LIPC: variants seen among roughly 807,000 people sequenced by gnomAD.
LIPC encodes the protein lipase C, hepatic type.
In LIPC, 44 loss-of-function variants were observed where a neutral mutation model predicts 50.7. The observed-to-expected ratio is 0.87, with a 90% confidence interval of 0.68 to 1.11. LIPC has a LOEUF of 1.11. Among genes scored for constraint, LIPC ranks in the 50% most tolerant of loss-of-function variants. LIPC has a pLI of 0.00. For missense variants in LIPC, 697 were observed against 648.2 expected (o/e 1.08, Z -0.82); for synonymous variants, 271 against 256.4 (o/e 1.06, Z -0.54).
intron 1 of LIPC, among the ~76,000 whole-genome samples, chr15:58,509,247 G>C (rs148410788): frequency 1.3e-5 from 2 of 152,284 alleles, no homozygotes; most frequent in African/African-American, 4.8e-5. Flanking sequence ...CAGATGATGA[G>C]CCACTTTCTC....
intron 1 of LIPC, among the ~76,000 whole-genome samples, chr15:58,506,478 G>A (rs1444329483): frequency 2.0e-5 from 3 of 152,174 alleles, no homozygotes; most frequent in East Asian, 3.9e-4. Flanking sequence ...AGCAGGTGCT[G>A]ATGAGAAGGC....
intron 1 of LIPC, chr15:58,522,337 T>C (rs1892682479): frequency 6.6e-6 from 1 of 152,642 alleles, no homozygotes; most frequent in South Asian, 2.1e-4. Flanking sequence ...CCAGTGACAC[T>C]ACACGCAAAC....
At chr15:58,497,620 C>G (rs1350220728) in intron 1 of LIPC, 1 of 152,412 alleles carries the variant, frequency 6.6e-6, no homozygotes, top group Non-Finnish European at 1.5e-5. Flanking sequence ...TCTACTGGTA[C>G]ACCTCTCCAA....
chr15:58,450,338 G>A (rs1398206198), intron 1 of LIPC, among the ~76,000 whole-genome samples: 3 of 152,158 alleles, frequency 2.0e-5, no homozygotes, highest in African/African-American at 4.8e-5. Context: ...GTGCGGCCCA[G>A]GAATGTGCAT....
rs1331029092 is a variant in LIPC at position 58,568,886 on chromosome 15, T to C, written c.*59T>C. On this transcript the variant is annotated 3_prime_UTR_variant, in exon 9 of 9. Coordinates refer to ENST00000299022, the MANE Select transcript of LIPC (RefSeq NM_000236.3). ...AATCTTACTCCTTATCTGGAATGGC[T>C]GCCTTATTTAGAAGCCAAAATTACA... The C allele has an allele frequency of 9.8e-7, 1 of 1,016,356 alleles. No individual in the cohort carries two copies. Among genetic ancestry groups the C allele is most frequent in the East Asian group, 2.6e-5 (1 of 38,780 alleles). 63.0% of individuals were successfully genotyped at this position (1,016,356 alleles called of 1,614,324 possible). A position where few individuals can be genotyped will look rare whatever the true frequency, so the allele number is the denominator to read the frequency against.
At chr15:58,470,538 G>A (rs1422332981) in intron 1 of LIPC, among the ~76,000 whole-genome samples, 1 of 150,978 alleles carries the variant, frequency 6.6e-6, no homozygotes, top group South Asian at 2.1e-4. Flanking sequence ...TTGAAAAGTA[G>A]TACATGCTTA....
chr15:58,447,414 C>A (rs1252970605), intron 1 of LIPC, among the ~76,000 whole-genome samples: 1 of 152,150 alleles, frequency 6.6e-6, no homozygotes, highest in African/African-American at 2.4e-5. Context: ...GGAAAACACA[C>A]ACGTATATGA....
At chr15:58,561,447 G>A (rs529135898) in intron 7 of LIPC, among the ~76,000 whole-genome samples, 1 of 152,306 alleles carries the variant, frequency 6.6e-6, no homozygotes, top group East Asian at 1.9e-4. Flanking sequence ...TAGATAAGGG[G>A]TTGTGGAGAC....
chr15:58,541,688 A>G (rs1384119989), intron 2 of LIPC, 97 bp from the exon 3 acceptor site: 2 of 1,267,288 alleles, frequency 1.6e-6, no homozygotes, highest in East Asian at 4.9e-5. Flanking sequence ...ACGTCATAGC[A>G]AGCCCTTCCT....
intron 1 of LIPC, among the ~76,000 whole-genome samples, chr15:58,477,838 T>C (rs563376221): frequency 6.6e-6 from 1 of 152,108 alleles, no homozygotes; most frequent in East Asian, 1.9e-4. Flanking sequence ...CCATGTCACT[T>C]CCCCCTAGAC....
chr15:58,434,416 A>T (rs541031723), intron 1 of LIPC, among the ~76,000 whole-genome samples: 1 of 152,166 alleles, frequency 6.6e-6, no homozygotes, highest in Admixed American at 6.5e-5. Context: ...CGGACATTTT[A>T]TCTCATCCTC....
At chr15:58,546,989 C>T (rs1893554145) in intron 5 of LIPC, among the ~76,000 whole-genome samples, 1 of 151,488 alleles carries the variant, frequency 6.6e-6, no homozygotes, top group Non-Finnish European at 1.5e-5. Context: ...CAGTTCCCAG[C>T]TGACCATCCA....
chr15:58,472,287 A>G (rs1190876018), intron 1 of LIPC, among the ~76,000 whole-genome samples: 24 of 151,012 alleles, frequency 1.6e-4, no homozygotes, highest in East Asian at 5.8e-4. Flanking sequence ...AAAAAAAAAA[A>G]AAAAAAGAAA....
chr15:58,514,131 G>A (rs1208280459), intron 1 of LIPC, among the ~76,000 whole-genome samples: 7 of 152,112 alleles, frequency 4.6e-5, no homozygotes, highest in Non-Finnish European at 7.4e-5. Flanking sequence ...GTTTATCATC[G>A]CCAGCATAAC....
intron 1 of LIPC, among the ~76,000 whole-genome samples, chr15:58,458,130 T>A (rs1399094926): frequency 3.3e-5 from 5 of 151,182 alleles, no homozygotes; most frequent in African/African-American, 1.2e-4. Flanking sequence ...TAAGCACCTG[T>A]TTCCGTTTTT....
chr15:58,449,249 T>C (rs986565004), intron 1 of LIPC, among the ~76,000 whole-genome samples: 4 of 152,172 alleles, frequency 2.6e-5, no homozygotes, highest in Non-Finnish European at 5.9e-5. Context: ...TTATGAAGCA[T>C]GTTGGCAGCC....
Position 58,541,815 on chromosome 15 carries a change from C to A in LIPC, c.304C>A (p.Gln102Lys). Residue 102 changes from glutamine (Q) to lysine (K), a missense_variant, in exon 3 of 9, where the codon CAG (glutamine) becomes AAG (lysine). Transcript: ENST00000299022. ...VDGVLENWIW[Q>K]MVAALKSQPA... is the part of the protein sequence containing the mutation. Reference sequence around the variant, plus strand: ...CGGCGTGCTAGAAAACTGGATCTGGCAGATGGTGGCCGCGCTGAAGTCTCA... The same window carrying A: ...CGGCGTGCTAGAAAACTGGATCTGGAAGATGGTGGCCGCGCTGAAGTCTCA... 6.2e-7 allele frequency: 1 copy of A among 1,613,660 alleles called. No individual in the cohort carries two copies.
intron 1 of LIPC, among the ~76,000 whole-genome samples, chr15:58,474,401 CACTT>C (rs1391300964): frequency 2.6e-5 from 4 of 151,864 alleles, no homozygotes; most frequent in Non-Finnish European, 5.9e-5. Flanking sequence ...CCTGTGGTCC[CACTT>C]ACTTACTTGG....
chr15:58,565,345 A>G, intron 8 of LIPC: 17 of 1,530,404 alleles, frequency 1.1e-5, no homozygotes, highest in Non-Finnish European at 1.5e-5. Flanking sequence ...GTGGCTGCTC[A>G]CCCTGACAAT....
Sources: allele counts gnomAD v4.1 joint callset (sites outside exome capture counted in the v4.1 genomes callset), GRCh38; gene constraint gnomAD v4.1.1; transcripts MANE v1.5; gene names NCBI Gene and HGNC (gene_info 2026-07-23, HGNC 2026-07-21).